VRK2: variants seen among roughly 807,000 people sequenced by gnomAD.
VRK2 encodes serine/threonine-protein kinase VRK2.
VRK2 carries 60 observed loss-of-function variants against 57.6 expected under a neutral mutation model. The ratio of observed to expected loss-of-function variants is 1.04; its 90% confidence interval spans 0.85 to 1.29. The LOEUF (loss-of-function observed/expected upper bound fraction) is 1.29. VRK2 is among the 50% of genes most tolerant of loss of function. The pLI, the probability that VRK2 is intolerant of heterozygous loss-of-function variation, is 0.00. For synonymous variants in VRK2, 231 were observed against 199.2 expected (o/e 1.16, Z -1.35); for missense variants, 705 against 588.1 (o/e 1.20, Z -2.06).
chr2:57,927,829 G>C (rs1462936984), intron 1 of VRK2, among the ~76,000 whole-genome samples: 3 of 152,108 alleles, frequency 2.0e-5, no homozygotes, highest in Non-Finnish European at 4.4e-5. Context: ...GATAAAAGTG[G>C]GGTTTTTTTC....
intron 7 of VRK2, among the ~76,000 whole-genome samples, chr2:58,101,417 A>G (rs1203084768): frequency 6.6e-6 from 1 of 151,730 alleles, no homozygotes; most frequent in East Asian, 1.9e-4. Context: ...AAAACTAAGG[A>G]CAATTCACTA....
intron 2 of VRK2, among the ~76,000 whole-genome samples, chr2:58,029,223 G>GA (rs1032582941): frequency 7.9e-5 from 12 of 151,762 alleles, no homozygotes; most frequent in Middle Eastern, 3.2e-3. Context: ...AAATAGAGAG[G>GA]AAAAAATAAT....
At chr2:57,951,704 T>G (rs957775474) in intron 1 of VRK2, among the ~76,000 whole-genome samples, 3 of 152,076 alleles carry the variant, frequency 2.0e-5, no homozygotes, top group Admixed American at 6.6e-5. Flanking sequence ...AGCAAAACAA[T>G]TATGACTTGC....
intron 8 of VRK2, among the ~76,000 whole-genome samples, chr2:58,125,155 A>G (rs1384515874): frequency 6.6e-6 from 1 of 152,120 alleles, no homozygotes; most frequent in Non-Finnish European, 1.5e-5. Flanking sequence ...TGTTTGAGTC[A>G]TTTATTTCAA....
At chr2:58,125,245 A>G (rs1263539984) in intron 8 of VRK2, among the ~76,000 whole-genome samples, 4 of 152,132 alleles carry the variant, frequency 2.6e-5, no homozygotes, top group African/African-American at 9.7e-5. Flanking sequence ...AAAGAGAAGT[A>G]GAGTTTTTTT....
intron 2 of VRK2, among the ~76,000 whole-genome samples, chr2:58,079,416 G>A (rs186454752): frequency 4.7e-4 from 71 of 152,018 alleles, no homozygotes; most frequent in African/African-American, 1.4e-3. Flanking sequence ...TTAACGACTT[G>A]CCCCAATTAT....
intron 11 of VRK2, among the ~76,000 whole-genome samples, chr2:58,140,265 TCTTTA>T (rs1681132591): frequency 6.6e-6 from 1 of 151,872 alleles, no homozygotes; most frequent in African/African-American, 2.4e-5. Context: ...TGGAAACAGT[TCTTTA>T]CAGAAAATAA....
At chr2:58,037,453 G>T (rs527887164) in intron 3 of VRK2, among the ~76,000 whole-genome samples, 1 of 152,214 alleles carries the variant, frequency 6.6e-6, no homozygotes, top group Non-Finnish European at 1.5e-5. Flanking sequence ...GGCAGGTGGG[G>T]TGAGGGGTGC....
intron 2 of VRK2, among the ~76,000 whole-genome samples, chr2:58,067,706 C>G (rs977813237): frequency 1.3e-5 from 2 of 152,018 alleles, no homozygotes; most frequent in African/African-American, 4.8e-5. Flanking sequence ...TATTATATCT[C>G]CATTCATTGA....
intron 1 of VRK2, among the ~76,000 whole-genome samples, chr2:58,001,574 C>G (rs1673088879): frequency 6.6e-6 from 1 of 152,078 alleles, no homozygotes; most frequent in South Asian, 2.1e-4. Context: ...GTAATCCCAG[C>G]ACTTTGGGAG....
intron 1 of VRK2, among the ~76,000 whole-genome samples, chr2:58,021,782 C>T (rs902338138): frequency 9.9e-5 from 15 of 152,114 alleles, no homozygotes; most frequent in Admixed American, 8.5e-4. Context: ...AATTGGCTAC[C>T]GAAACCTACA....
rs1483245888 is a variant in VRK2 at position 58,082,643 on chromosome 2, G to C, written c.137-1446G>C. Among the ~76,000 whole-genome samples the C allele has an allele frequency of 2.6e-5, 4 of 152,032 alleles. No homozygotes were observed. In the East Asian group the frequency reaches 7.7e-4, roughly 29 times the overall value. ...TCTTAAGTTTTCTTCTTGGAAGAAAGTAGATCTGGCTAATCCACTCTTCCT... is the reference window on the plus strand; with the variant it reads ...TCTTAAGTTTTCTTCTTGGAAGAAACTAGATCTGGCTAATCCACTCTTCCT... On this transcript the variant is annotated intron_variant, in intron 2 of 12. Transcript: ENST00000340157.
chr2:58,018,465 A>G (rs1024422061), intron 1 of VRK2, among the ~76,000 whole-genome samples: 2 of 152,228 alleles, frequency 1.3e-5, no homozygotes, highest in African/African-American at 4.8e-5. Context: ...TTCCATTTGT[A>G]GCAGAGAATT....
At position 58,131,911 on chromosome 2, in the gene VRK2, G is replaced by T; in HGVS notation, c.780G>T (p.Val260=). Residue 260 remains valine, a synonymous_variant, in exon 9 of 13, where the codon GTG becomes GTT. Transcript: ENST00000340157. ...WEQNLKDPVA[V]QTAKTNLLDE... is the part of the protein sequence containing the mutation. ...AGAACCTGAAGGACCCTGTGGCTGT[G>T]CAGACTGCTAAAACAAAGTACAAAT... 2 of 1,614,094 alleles carry T rather than the reference G, an allele frequency of 1.2e-6. No homozygotes were observed. The highest frequency in any genetic ancestry group is 1.7e-6 in the Non-Finnish European group (2 of 1,179,972).
intron 1 of VRK2, among the ~76,000 whole-genome samples, chr2:57,991,436 C>G (rs935965144): frequency 6.6e-6 from 1 of 151,038 alleles, no homozygotes; most frequent in African/African-American, 2.4e-5. Flanking sequence ...GATATAGTTA[C>G]CCAGGGAAAA....
chr2:57,941,069 TA>T (rs376620957), intron 1 of VRK2, among the ~76,000 whole-genome samples: 79 of 152,306 alleles, frequency 5.2e-4, no homozygotes, highest in African/African-American at 1.8e-3. Flanking sequence ...AATTCAACTT[TA>T]ATACCAAACT....
At chr2:58,133,910 C>CT (rs1679585684) in intron 9 of VRK2, among the ~76,000 whole-genome samples, 1 of 152,110 alleles carries the variant, frequency 6.6e-6, no homozygotes, top group Non-Finnish European at 1.5e-5. Context: ...AATATTACTA[C>CT]TTCTGTGTTT....
At chr2:58,117,743 G>A (rs896281218) in intron 7 of VRK2, among the ~76,000 whole-genome samples, 9 of 152,104 alleles carry the variant, frequency 5.9e-5, no homozygotes, top group African/African-American at 1.7e-4. Flanking sequence ...TTTGTATTGG[G>A]GTCAAGCGGC....
At chr2:58,134,645 G>A (rs1194084319) in intron 9 of VRK2, among the ~76,000 whole-genome samples, 1 of 149,218 alleles carries the variant, frequency 6.7e-6, no homozygotes, top group Non-Finnish European at 1.5e-5. Context: ...AAAGAATATG[G>A]ACAGGCTTTG....
Sources: allele counts gnomAD v4.1 joint callset (sites outside exome capture counted in the v4.1 genomes callset), GRCh38; gene constraint gnomAD v4.1.1; transcripts MANE v1.5; gene names NCBI Gene and HGNC (gene_info 2026-07-23, HGNC 2026-07-21).